Variants in TXNDC5 observed in about 807,000 individuals in gnomAD.
TXNDC5 encodes thioredoxin domain-containing protein 5.
Under a neutral mutation model 52.6 loss-of-function variants are expected in TXNDC5, and 44 were observed. That is an observed-to-expected ratio of 0.84 (90% CI 0.66 to 1.08). The LOEUF (loss-of-function observed/expected upper bound fraction) is 1.08. Ranked by LOEUF, TXNDC5 falls within the 50% of genes least tolerant of loss-of-function variation. TXNDC5 has a pLI of 0.00. For synonymous variants in TXNDC5, 241 were observed against 234.4 expected (o/e 1.03, Z -0.26); for missense variants, 600 against 565.5 (o/e 1.06, Z -0.62).
At chr6:7,894,639 T>C (rs1760305338) in intron 4 of TXNDC5, 12 of 817,592 alleles carry the variant, frequency 1.5e-5, no homozygotes, top group Non-Finnish European at 1.8e-5. Flanking sequence ...TTAAAAACAA[T>C]GTACCTTAAT....
chr6:7,901,259 G>A (rs956184743), intron 2 of TXNDC5, among the ~76,000 whole-genome samples: 1 of 152,142 alleles, frequency 6.6e-6, no homozygotes, highest in Non-Finnish European at 1.5e-5. Context: ...ACCTAGCCTG[G>A]CACCTCCCCA....
intron 1 of TXNDC5, among the ~76,000 whole-genome samples, chr6:7,904,987 C>T (rs1163793887): frequency 6.6e-6 from 1 of 152,182 alleles, no homozygotes; most frequent in Non-Finnish European, 1.5e-5. Flanking sequence ...GTTGTTCTGG[C>T]CCTGCTGACC....
intron 4 of TXNDC5, among the ~76,000 whole-genome samples, chr6:7,892,005 G>A (rs1260799465): frequency 6.6e-6 from 1 of 152,188 alleles, no homozygotes; most frequent in Non-Finnish European, 1.5e-5. Flanking sequence ...GAAAGAATCA[G>A]GCATTTCTCC....
At chr6:7,883,855 G>A (rs1198617528) in intron 9 of TXNDC5, among the ~76,000 whole-genome samples, 7 of 152,366 alleles carry the variant, frequency 4.6e-5, no homozygotes. Flanking sequence ...CCATCAGACT[G>A]TGCTAACAGC....
intron 9 of TXNDC5, 137 bp downstream of exon 9, chr6:7,884,222 A>G: frequency 1.7e-6 from 2 of 1,211,034 alleles, no homozygotes; most frequent in Non-Finnish European, 2.3e-6. Flanking sequence ...GCTTCTCCAA[A>G]CAAACAACTC....
chr6:7,899,708 G>C, intron 2 of TXNDC5, 27 bp from the exon 3 acceptor site: 1 of 1,584,684 alleles, frequency 6.3e-7, no homozygotes, highest in Non-Finnish European at 8.6e-7. Context: ...GGATTAGACA[G>C]AGCAAAAAGA....
At chr6:7,888,649 G>C (rs1286850018) in intron 7 of TXNDC5, 56 bp downstream of exon 7, 25 of 1,555,064 alleles carry the variant, frequency 1.6e-5, no homozygotes, top group Non-Finnish European at 2.2e-5. Flanking sequence ...GTGGGGAGGT[G>C]GGGGGCCGGG....
At position 7,884,314 on chromosome 6, in the gene TXNDC5, G is replaced by A. The variant is rs140225190; in HGVS notation, c.1176+45C>T. ...TTGAGGCACAGTTCCCTTGGGATCT[G>A]CCCCCATACTGAGAGCTCCCATAAG... On this transcript the variant is annotated intron_variant, in intron 9 of 9. Coordinates refer to ENST00000379757, the MANE Select transcript of TXNDC5 (RefSeq NM_030810.5). 3.7e-4 allele frequency: 589 copies of A among 1,611,126 alleles called. 1 individual carries two copies. The highest frequency in any genetic ancestry group is 5.1e-4 in the Middle Eastern group (3 of 5,826).
chr6:7,909,726 G>C, intron 1 of TXNDC5: 3 of 973,904 alleles, frequency 3.1e-6, no homozygotes, highest in Non-Finnish European at 3.7e-6. Flanking sequence ...GCACTACCTT[G>C]GTCTTCCCGG....
chr6:7,896,662 T>G (rs1177821383), intron 3 of TXNDC5, among the ~76,000 whole-genome samples: 1 of 152,156 alleles, frequency 6.6e-6, no homozygotes. Flanking sequence ...AAGGGAAGAA[T>G]GGCTAAGTGA....
intron 2 of TXNDC5, among the ~76,000 whole-genome samples, chr6:7,901,085 G>A (rs138465438): frequency 6.6e-6 from 1 of 152,148 alleles, no homozygotes; most frequent in Non-Finnish European, 1.5e-5. Context: ...TCCCTAATGT[G>A]TCTCCAGTGC....
intron 4 of TXNDC5, among the ~76,000 whole-genome samples, chr6:7,894,047 A>G (rs764607474): frequency 1.3e-5 from 2 of 152,242 alleles, no homozygotes; most frequent in Non-Finnish European, 2.9e-5. Context: ...GGGATGTGGT[A>G]TAGAAAGATC....
chr6:7,887,618 C>T (rs761342627), intron 7 of TXNDC5, among the ~76,000 whole-genome samples: 2 of 152,140 alleles, frequency 1.3e-5, no homozygotes, highest in Admixed American at 6.5e-5. Context: ...AGAGCAGCTT[C>T]CCACCTCCAG....
chr6:7,905,342 T>C (rs1417512436), intron 1 of TXNDC5, among the ~76,000 whole-genome samples: 1 of 152,130 alleles, frequency 6.6e-6, no homozygotes, highest in African/African-American at 2.4e-5. Context: ...TCCTCCACTA[T>C]ATAACCAAAT....
Position 7,883,872 on chromosome 6 carries a change from T to G in TXNDC5, c.1176+487A>C, listed in dbSNP as rs190709057. Reference sequence around the variant, plus strand: ...ATCAGACTGTGCTAACAGCTTGGAATGAAGGCAGTAGTTAACCCAAGCACA... The same window carrying G: ...ATCAGACTGTGCTAACAGCTTGGAAGGAAGGCAGTAGTTAACCCAAGCACA... On this transcript the variant is annotated intron_variant, in intron 9 of 9. Transcript: ENST00000379757. 1.5e-3 allele frequency among the ~76,000 whole-genome samples: 235 copies of G among 152,304 alleles called. 1 individual carries two copies. The highest frequency in any genetic ancestry group is 5.4e-3 in the African/African-American group (225 of 41,554).
chr6:7,904,824 T>C (rs1760683609), intron 1 of TXNDC5, 101 bp from the exon 2 acceptor site: 3 of 1,413,278 alleles, frequency 2.1e-6, no homozygotes, highest in Non-Finnish European at 2.9e-6. Context: ...TCTCAGTCCT[T>C]TCTTTACACC....
Position 7,910,501 on chromosome 6 carries a change from TGCGCGGCGTTACCAGG to T in TXNDC5, c.260_263+12del, listed in dbSNP as rs1264104132. 7.0e-7 allele frequency: 1 copy of T among 1,427,646 alleles called. No individual in the cohort carries two copies. The highest frequency in any genetic ancestry group is 1.5e-5 in the African/African-American group (1 of 65,802). 88.4% of individuals were successfully genotyped at this position (1,427,646 alleles called of 1,614,324 possible). A position where few individuals can be genotyped will look rare whatever the true frequency, so the allele number is the denominator to read the frequency against. ...CCAAGTGCGGGGCAGGGCGCCGGCC[TGCGCGGCGTTACCAGG>T]GCGCGAAGAACATGACGAAGTGCGC... On this transcript the variant is annotated splice_donor_variant and splice_donor_5th_base_variant and coding_sequence_variant and intron_variant, in exon 1 of 10. Coordinates refer to ENST00000379757, the MANE Select transcript of TXNDC5 (RefSeq NM_030810.5). LOFTEE classifies it high-confidence loss of function.
chr6:7,889,258 G>A (rs1760112571), intron 6 of TXNDC5: 2 of 511,322 alleles, frequency 3.9e-6, no homozygotes, highest in Non-Finnish European at 7.0e-6. Flanking sequence ...CCCTGTGACT[G>A]TAAGATGTGG....
chr6:7,901,333 C>T (rs561666893), intron 2 of TXNDC5, among the ~76,000 whole-genome samples: 20 of 152,178 alleles, frequency 1.3e-4, no homozygotes, highest in Non-Finnish European at 2.8e-4. Flanking sequence ...CTCTGCCTCC[C>T]GCTAACGCTC....
Sources: allele counts gnomAD v4.1 joint callset (sites outside exome capture counted in the v4.1 genomes callset), GRCh38; gene constraint gnomAD v4.1.1; transcripts MANE v1.5; gene names NCBI Gene and HGNC (gene_info 2026-07-23, HGNC 2026-07-21).